Variants in RABL6 observed in about 807,000 individuals in gnomAD.
RABL6 encodes rab-like protein 6.
In RABL6, 28 loss-of-function variants were observed where a neutral mutation model predicts 72.9. That is an observed-to-expected ratio of 0.38 (90% confidence interval 0.28 to 0.53). RABL6 has a LOEUF of 0.53. Ranked by LOEUF, RABL6 falls within the 20% of genes least tolerant of loss-of-function variation. RABL6 has a pLI of 0.80. For synonymous variants in RABL6, 477 were observed against 421.2 expected, an observed-to-expected ratio of 1.13 and a Z score of -1.62; for missense variants, 1,029 against 1,008.4, an observed-to-expected ratio of 1.02 and a Z score of -0.28.
intron 6 of RABL6, 114 bp from the exon 7 acceptor site, chr9:136,832,151 G>A (rs1848490132): frequency 9.5e-7 from 1 of 1,056,782 alleles, no homozygotes; most frequent in East Asian, 2.4e-5. Flanking sequence ...TGTGGCCTCA[G>A]GAGCCTGCAG....
chr9:136,813,942 C>T, intron 1 of RABL6: 1 of 377,394 alleles, frequency 2.6e-6, no homozygotes, highest in Non-Finnish European at 5.3e-6. Context: ...GTAATTCATC[C>T]TGAGTGACTT....
In RABL6 at chr9:136,837,500, C is replaced by G. The variant is rs1477423146; in HGVS notation, c.964C>G (p.Gln322Glu). ...SSPGTPQPAP[Q>E]LPLNAAPPSS... The stretch of plus-strand genomic sequence containing the variant: ...CCCCGGCACACCCCAGCCCGCCCCA[C>G]AGCTGCCCCTCAATGCCGCCCCACC... Residue 322 changes from glutamine (Q) to glutamate (E), a missense_variant, in exon 9 of 15, where the codon CAG (glutamine) becomes GAG (glutamate). Coordinates refer to ENST00000311502, the MANE Select transcript of RABL6 (RefSeq NM_024718.5). 1 of 1,542,438 alleles carries G rather than the reference C, an allele frequency of 6.5e-7. No individual in the cohort carries two copies.
chr9:136,815,524 C>A (rs2484661), intron 1 of RABL6: 1 of 242,620 alleles, frequency 4.1e-6, no homozygotes, highest in East Asian at 1.5e-4. Context: ...TTACCTGCCT[C>A]GACACCAAGT....
intron 7 of RABL6, 178 bp downstream of exon 7, chr9:136,832,548 G>A (rs560317389): frequency 1.2e-4 from 84 of 708,096 alleles, no homozygotes; most frequent in African/African-American, 1.1e-3. Flanking sequence ...GTGGCAGAGG[G>A]TACAGGGTCC....
At chr9:136,835,232 AGTG>A (rs1315124481) in intron 7 of RABL6, 1 of 152,450 alleles carries the variant, frequency 6.6e-6, no homozygotes, top group African/African-American at 2.4e-5. Context: ...TTGAATCTAA[AGTG>A]AGCAGCCACA....
In RABL6 at chr9:136,808,421, G is replaced by A. The variant is rs1588340707; in HGVS notation, c.130+95G>A. ...GCGGTGGTGGGTGTCGGTCTCACCT[G>A]CTTGCCGGTTGTGGGGTGCGCTGGG... On this transcript the variant is annotated intron_variant, in intron 1 of 14. Transcript: ENST00000311502. 4.7e-6 allele frequency: 6 copies of A among 1,264,652 alleles called. No individual in the cohort carries two copies. The East Asian group carries it at 1.7e-4, about 35-fold the overall frequency. The allele number at this position is 1,264,652 out of a possible 1,614,324, so 78.3% of individuals were successfully genotyped here.
chr9:136,818,643 G>A (rs1564361020), intron 1 of RABL6, among the ~76,000 whole-genome samples: 1 of 151,998 alleles, frequency 6.6e-6, no homozygotes, highest in South Asian at 2.1e-4. Flanking sequence ...TACTCGAGAG[G>A]CTGAGACAGG....
chr9:136,809,843 G>C (rs1184951232), intron 1 of RABL6: 1 of 162,562 alleles, frequency 6.2e-6, no homozygotes, highest in African/African-American at 2.4e-5. Context: ...AGCATCAAAG[G>C]AACTTGTGGC....
chr9:136,841,048 G>A lies in RABL6; in HGVS notation c.*526G>A, dbSNP rs1352314780. 2 of 1,424,722 alleles carry A rather than the reference G, an allele frequency of 1.4e-6. No homozygotes were observed. The highest frequency in any genetic ancestry group is 9.2e-7 in the Non-Finnish European group (1 of 1,089,550). The allele number at this position is 1,424,722 out of a possible 1,614,324, so 88.3% of individuals were successfully genotyped here. A position where few individuals can be genotyped will look rare whatever the true frequency, so the allele number is the denominator to read the frequency against. ...TGGCGAGACCGAAGGCAGCATGTGA[G>A]GCCTCTCCTGGGAGTGGGGGTTGTG... On this transcript the variant is annotated 3_prime_UTR_variant, in exon 15 of 15. Coordinates refer to ENST00000311502, the MANE Select transcript of RABL6 (RefSeq NM_024718.5).
intron 3 of RABL6, chr9:136,827,068 G>A (rs1187708193): frequency 6.6e-6 from 1 of 152,262 alleles, no homozygotes; most frequent in Non-Finnish European, 1.5e-5. Flanking sequence ...GCCTGGCCCT[G>A]GGCTTCCTCT....
At chr9:136,822,914 C>T (rs1848271624) in intron 1 of RABL6, among the ~76,000 whole-genome samples, 1 of 152,106 alleles carries the variant, frequency 6.6e-6, no homozygotes, top group African/African-American at 2.4e-5. Flanking sequence ...CGGTGAAACC[C>T]CGTCTCTACT....
chr9:136,823,322 G>A (rs529942472), intron 1 of RABL6, among the ~76,000 whole-genome samples: 2 of 152,236 alleles, frequency 1.3e-5, no homozygotes, highest in African/African-American at 4.8e-5. Flanking sequence ...TCTGTGTGCT[G>A]CCAGGTGTCC....
chr9:136,832,697 T>C, intron 7 of RABL6: 1 of 383,286 alleles, frequency 2.6e-6, no homozygotes, highest in South Asian at 2.2e-5. Context: ...AGTGGCGCAA[T>C]CATGGCTCAC....
chr9:136,839,760 C>A lies in RABL6; in HGVS notation c.1825C>A (p.Pro609Thr). The A allele has an allele frequency of 1.2e-6, 2 of 1,612,090 alleles. No homozygotes were observed. The part of the protein sequence containing the change: ...TDEDEGPAEP[P>T]PPPKLPLPAF... ...CGAGGATGAGGGCCCTGCCGAGCCGCCCCCACCCCCCAAGCTCCCTCTCCC... is the reference window on the plus strand; with the variant it reads ...CGAGGATGAGGGCCCTGCCGAGCCGACCCCACCCCCCAAGCTCCCTCTCCC... The change falls in exon 13 of 15, where the codon CCC becomes ACC. Residue 609 changes from proline (P) to threonine (T), a missense_variant. By Grantham distance (38) the Pro-to-Thr change is conservative (BLOSUM62 -1). Transcript: ENST00000311502.
At chr9:136,808,498 G>A (rs1368640019) in intron 1 of RABL6, 172 bp downstream of exon 1, 5 of 634,200 alleles carry the variant, frequency 7.9e-6, no homozygotes, top group African/African-American at 2.0e-5. Flanking sequence ...GCGAGGAGAG[G>A]CCAGGCCAGG....
chr9:136,834,929 TAAA>T (rs71385775), intron 7 of RABL6, among the ~76,000 whole-genome samples: 5 of 74,396 alleles, frequency 6.7e-5, no homozygotes, highest in Non-Finnish European at 5.3e-5. Flanking sequence ...GACCCTGTTC[TAAA>T]AAAAAAAAAA....
chr9:136,838,807 C>T, intron 10 of RABL6, 102 bp from the exon 11 acceptor site: 4 of 1,092,478 alleles, frequency 3.7e-6, no homozygotes, highest in Non-Finnish European at 3.8e-6. Flanking sequence ...GGCCCCACGG[C>T]CAGGGTGTGC....
At chr9:136,830,210 C>T (rs557921726) in intron 5 of RABL6, among the ~76,000 whole-genome samples, 3 of 152,240 alleles carry the variant, frequency 2.0e-5, no homozygotes, top group African/African-American at 4.8e-5. Context: ...GGGGCCTAGT[C>T]AGCAGCTTCT....
chr9:136,828,292 C>G lies in RABL6; in HGVS notation c.314-202C>G, dbSNP rs1400219654. The G allele has an allele frequency of 1.9e-5, 11 of 583,850 alleles. No individual in the cohort carries two copies. In the East Asian group the frequency reaches 2.6e-4, roughly 14 times the overall value. 36.2% of individuals were successfully genotyped at this position (583,850 alleles called of 1,614,324 possible). ...CCTCCTGTCCAGGCCCGGCCCAGCC[C>G]TGCCTCCAGAGCCTACAGAGGGGCC... On this transcript the variant is annotated intron_variant, in intron 3 of 14. Coordinates refer to ENST00000311502, the MANE Select transcript of RABL6 (RefSeq NM_024718.5).
Sources: allele counts gnomAD v4.1 joint callset (sites outside exome capture counted in the v4.1 genomes callset), GRCh38; gene constraint gnomAD v4.1.1; transcripts MANE v1.5; gene names NCBI Gene and HGNC (gene_info 2026-07-23, HGNC 2026-07-21).